The following CPNE4 variants were observed in gnomAD, a reference collection of about 807,000 sequenced individuals.
CPNE4 encodes copine-4.
In CPNE4, 25 loss-of-function variants were observed where a neutral mutation model predicts 67.9. The ratio of observed to expected loss-of-function variants is 0.37; its 90% CI spans 0.27 to 0.51. The LOEUF (loss-of-function observed/expected upper bound fraction) is 0.51, where lower values mean the gene tolerates loss of function less well. Among genes scored for constraint, CPNE4 ranks in the 20% least tolerant of loss-of-function variants. The pLI is 0.93. For synonymous variants in CPNE4, 242 were observed against 244.9 expected (o/e 0.99, Z 0.11); for missense variants, 464 against 690.8 (o/e 0.67, Z 3.68).
chr3:131,976,834 C>A (rs1267748322), intron 1 of CPNE4, among the ~76,000 whole-genome samples: 1 of 151,620 alleles, frequency 6.6e-6, no homozygotes, highest in African/African-American at 2.4e-5. Flanking sequence ...CAGAGTCTCA[C>A]CGTGTCACCC....
At chr3:131,553,168 T>C (rs932647409) in intron 12 of CPNE4, among the ~76,000 whole-genome samples, 3 of 152,130 alleles carry the variant, frequency 2.0e-5, no homozygotes, top group Non-Finnish European at 2.9e-5. Context: ...ACAAGATAGA[T>C]GTTCTGGCAT....
intron 6 of CPNE4, among the ~76,000 whole-genome samples, chr3:131,680,637 GTCT>G (rs1308849782): frequency 3.3e-5 from 5 of 151,994 alleles, no homozygotes; most frequent in Admixed American, 2.6e-4. Context: ...GGAGTGTTAT[GTCT>G]TCTTTTCCCC....
chr3:131,842,730 T>TAA (rs3041527), intron 2 of CPNE4, among the ~76,000 whole-genome samples: 3 of 121,848 alleles, frequency 2.5e-5, no homozygotes, highest in African/African-American at 6.5e-5. Flanking sequence ...TATTCTGTTG[T>TAA]AAAAAAAAAA....
intron 1 of CPNE4, among the ~76,000 whole-genome samples, chr3:132,017,083 C>T (rs1488373670): frequency 2.0e-5 from 3 of 152,092 alleles, no homozygotes; most frequent in Admixed American, 6.5e-5. Flanking sequence ...CAAAAATGTC[C>T]CTCGGTAGCC....
In CPNE4 at chr3:131,990,169, T is replaced by C. The variant is rs1006733012; in HGVS notation, c.-2+44398A>G. On this transcript the variant is annotated intron_variant, in intron 1 of 15. Coordinates refer to ENST00000429747, the MANE Select transcript of CPNE4 (RefSeq NM_130808.3). ...TGTCATACAAGTCTCTGTAAACTTA[T>C]ATGACCACATCTCCAAGATAGAAAG... Among the ~76,000 whole-genome samples the C allele has an allele frequency of 1.5e-5, 2 of 136,934 alleles. 1 individual carries two copies. The highest frequency in any genetic ancestry group is 4.9e-5 in the African/African-American group (2 of 40,810). 89.8% of individuals were successfully genotyped at this position (136,934 alleles called of 152,430 possible).
intron 2 of CPNE4, among the ~76,000 whole-genome samples, chr3:131,828,372 T>C (rs1344834578): frequency 6.6e-6 from 1 of 152,220 alleles, no homozygotes; most frequent in Non-Finnish European, 1.5e-5. Flanking sequence ...TTGGTTCATG[T>C]AAATAGAATC....
At chr3:131,736,078 A>G (rs1323931188) in intron 2 of CPNE4, among the ~76,000 whole-genome samples, 1 of 152,138 alleles carries the variant, frequency 6.6e-6, no homozygotes, top group East Asian at 1.9e-4. Context: ...CCTTCTCTCC[A>G]CAGTTAAGTA....
At chr3:131,813,543 GCATA>G (rs1215672850) in intron 2 of CPNE4, among the ~76,000 whole-genome samples, 2 of 150,386 alleles carry the variant, frequency 1.3e-5, no homozygotes, top group African/African-American at 4.9e-5. Flanking sequence ...ACACACATAT[GCATA>G]CATACACACA....
intron 3 of CPNE4, among the ~76,000 whole-genome samples, chr3:131,710,859 G>A (rs573871374): frequency 6.6e-6 from 1 of 152,114 alleles, no homozygotes; most frequent in Non-Finnish European, 1.5e-5. Flanking sequence ...TTAAAGGTAA[G>A]GGAAAAGTAG....
At chr3:131,699,144 G>A (rs1328289823) in intron 4 of CPNE4, among the ~76,000 whole-genome samples, 1 of 152,120 alleles carries the variant, frequency 6.6e-6, no homozygotes, top group Non-Finnish European at 1.5e-5. Context: ...AATAGAAGAT[G>A]TCGAACTTTC....
chr3:131,578,794 C>A (rs1278403840), intron 9 of CPNE4, among the ~76,000 whole-genome samples: 3 of 152,146 alleles, frequency 2.0e-5, no homozygotes, highest in African/African-American at 7.2e-5. Context: ...CACTTCAATT[C>A]TATGAAGGCT....
chr3:131,669,836 T>C, intron 6 of CPNE4, 72 bp from the exon 7 acceptor site: 1 of 1,179,476 alleles, frequency 8.5e-7, no homozygotes, highest in Non-Finnish European at 1.3e-6. Context: ...ACATTAAAAC[T>C]GCTTGAGAAA....
chr3:131,955,627 G>T (rs2071942274), intron 1 of CPNE4, among the ~76,000 whole-genome samples: 1 of 151,694 alleles, frequency 6.6e-6, no homozygotes, highest in Admixed American at 6.6e-5. Context: ...TTGACCAATG[G>T]GAAGCAAGAG....
chr3:131,748,769 ATCT>A (rs2082553194), intron 2 of CPNE4, among the ~76,000 whole-genome samples: 1 of 152,058 alleles, frequency 6.6e-6, no homozygotes, highest in Admixed American at 6.6e-5. Context: ...TTGTATTATT[ATCT>A]TATTATCCTT....
intron 7 of CPNE4, among the ~76,000 whole-genome samples, chr3:131,621,957 T>G (rs1434542432): frequency 7.1e-6 from 1 of 140,788 alleles, no homozygotes; most frequent in Non-Finnish European, 1.5e-5. Context: ...AGACTGCAGT[T>G]GCAGGGAGCC....
intron 2 of CPNE4, among the ~76,000 whole-genome samples, chr3:131,898,608 A>G (rs907307870): frequency 1.3e-5 from 2 of 152,082 alleles, no homozygotes; most frequent in East Asian, 3.9e-4. Context: ...TTTTACTTAT[A>G]AGGAATCCAA....
chr3:131,556,668 T>C (rs1002636634), intron 11 of CPNE4, among the ~76,000 whole-genome samples: 4 of 152,062 alleles, frequency 2.6e-5, no homozygotes, highest in African/African-American at 9.7e-5. Flanking sequence ...ATTTTAATTA[T>C]TAAAATGTGG....
rs374321584 is a variant in CPNE4, at chr3:131,665,623, C to T, written c.681+4052G>A. The stretch of plus-strand genomic sequence containing the variant: ...GTAGTGAGCCTAGATTGCGCCACTG[C>T]AATCCAGCCTGGGCAACAGAGCAAG... On this transcript the variant is annotated intron_variant, in intron 7 of 15. Transcript: ENST00000429747. Among the ~76,000 whole-genome samples the T allele has an allele frequency of 2.3e-3, 356 of 151,802 alleles. 2 individuals carry two copies. Among genetic ancestry groups the T allele is most frequent in the African/African-American group, 8.2e-3 (338 of 41,350 alleles).
At chr3:131,909,290 A>T (rs531695270) in intron 1 of CPNE4, among the ~76,000 whole-genome samples, 2 of 152,274 alleles carry the variant, frequency 1.3e-5, no homozygotes, top group African/African-American at 4.8e-5. Context: ...TTCTTCAATC[A>T]GTGTTCTTTC....
Sources: gnomAD v4.1 joint callset for allele counts (sites outside exome capture counted in the v4.1 genomes callset) on GRCh38, gnomAD v4.1.1 for gene constraint, MANE v1.5 for transcripts, NCBI Gene and HGNC (gene_info 2026-07-23, HGNC 2026-07-21) for gene names.